Variants in SGO1 observed in about 807,000 individuals in gnomAD.
SGO1 encodes serologically defined breast cancer antigen NY-BR-85.
Under a neutral mutation model 50.5 loss-of-function variants are expected in SGO1, and 39 were observed. The observed-to-expected ratio is 0.77, with a 90% CI of 0.60 to 1.01. The LOEUF is 1.01. SGO1 is among the 50% of genes least tolerant of loss of function. SGO1 has a pLI of 0.00. For synonymous variants in SGO1, 191 were observed against 205.1 expected, an observed-to-expected ratio of 0.93 and a Z score of 0.59; for missense variants, 638 against 606.0, an observed-to-expected ratio of 1.05 and a Z score of -0.55.
In SGO1 at chr3:20,174,366, T is replaced by G. The variant is rs541350466; in HGVS notation, c.1165A>C (p.Ile389Leu). 8.7e-6 allele frequency: 14 copies of G among 1,614,204 alleles called. No individual in the cohort carries two copies. The African/African-American group carries it at 1.6e-4, about 18-fold the overall frequency. Residue 389 changes from isoleucine to leucine, a missense_variant, in exon 6 of 8, where the codon ATT (isoleucine) becomes CTT (leucine). Ile to Leu is a conservative substitution (Grantham distance 5). Transcript: ENST00000412997. ...TCTGAATTGCTCGTGGGATTCTGAA[T>G]GTACTTGCAAGTGGGCAAATAGAGG... ...DDLYLPTCKY[I>L]QNPTSNSDRP...
chr3:20,171,013 A>G, intron 7 of SGO1, 30 bp downstream of exon 7: 1 of 1,551,114 alleles, frequency 6.4e-7, no homozygotes, highest in South Asian at 1.2e-5. Context: ...TGTATCATTA[A>G]AAATAAGTTC....
At chr3:20,165,437 A>G (rs2125232721), downstream of SGO1, among the ~76,000 whole-genome samples, 1 of 152,362 alleles carries the variant, frequency 6.6e-6, no homozygotes, top group African/African-American at 2.4e-5. Context: ...AAAAAAATCA[A>G]TAAAAGCAAA....
intron 3 of SGO1, among the ~76,000 whole-genome samples, chr3:20,181,274 C>T (rs531327462): frequency 5.3e-5 from 8 of 152,278 alleles, no homozygotes; most frequent in South Asian, 4.1e-4. Flanking sequence ...ACTAATATAA[C>T]TTAAAAACAA....
At position 20,175,068 on chromosome 3, in the gene SGO1, A is replaced by C. The variant is rs775897972; in HGVS notation, c.476-13T>G. ...GTAGGTATCTGATCTGAGAATTTAA[A>C]AAATAAATGAGAAAAGTAGTTTTAC... On this transcript the variant is annotated splice_polypyrimidine_tract_variant and intron_variant, in intron 5 of 7. Coordinates refer to ENST00000412997, the MANE Select transcript of SGO1 (RefSeq NM_001199251.3). 5 of 1,395,910 alleles carry C rather than the reference A, an allele frequency of 3.6e-6. No individual in the cohort carries two copies. The highest frequency in any genetic ancestry group is 4.7e-6 in the Non-Finnish European group (5 of 1,067,654). The allele number at this position is 1,395,910 out of a possible 1,614,324, so 86.5% of individuals were successfully genotyped here. A position where few individuals can be genotyped will look rare whatever the true frequency, so the allele number is the denominator to read the frequency against.
chr3:20,163,006 T>G (rs902248235), intron 8 of SGO1, among the ~76,000 whole-genome samples: 1 of 152,014 alleles, frequency 6.6e-6, no homozygotes, highest in African/African-American at 2.4e-5. Context: ...AAAGGAAAAC[T>G]TACAGCATTA....
intron 3 of SGO1, among the ~76,000 whole-genome samples, chr3:20,181,870 A>C (rs753821387): frequency 6.6e-6 from 1 of 152,190 alleles, no homozygotes; most frequent in African/African-American, 2.4e-5. Flanking sequence ...GGGTCACTTG[A>C]GGCCAGGAGT....
intron 3 of SGO1, among the ~76,000 whole-genome samples, chr3:20,181,050 CT>C (rs1431401439): frequency 1.3e-5 from 2 of 152,082 alleles, no homozygotes; most frequent in African/African-American, 4.8e-5. Context: ...TTGCCTGAGC[CT>C]GGGAGGTGAA....
intron 8 of SGO1, chr3:20,161,358 A>T (rs907684962): frequency 3.3e-5 from 44 of 1,352,338 alleles, no homozygotes; most frequent in Non-Finnish European, 2.1e-5. Context: ...ATGTGAGCAA[A>T]CAATCAAAAG....
rs1052930 is a variant in SGO1 at position 20,170,697 on chromosome 3, A to G, written c.*7T>C. On this transcript the variant is annotated 3_prime_UTR_variant, in exon 8 of 8. Transcript: ENST00000412997. ...AGATTGAATTTAAACAATATCCAAC[A>G]AAACCTTCATTGTATTTGTTTCATA... 998,715 of 1,569,472 alleles carry G rather than the reference A, an allele frequency of 0.64. 325,163 individuals are homozygous for G. Among genetic ancestry groups the G allele is most frequent in the East Asian group, 0.97 (42,338 of 43,720 alleles).
intron 5 of SGO1, 118 bp downstream of exon 5, chr3:20,176,483 C>A (rs1294452719): frequency 7.9e-6 from 5 of 634,176 alleles, no homozygotes; most frequent in Non-Finnish European, 1.4e-5. Context: ...GAGCAGAATA[C>A]CAGATGAACA....
chr3:20,162,401 G>A (rs1215271520), intron 8 of SGO1, among the ~76,000 whole-genome samples: 2 of 152,144 alleles, frequency 1.3e-5, no homozygotes, highest in African/African-American at 2.4e-5. Flanking sequence ...CGAGCATAGA[G>A]TAAAAGCTCC....
downstream of SGO1, among the ~76,000 whole-genome samples, chr3:20,166,253 C>T (rs577250075): frequency 7.0e-4 from 106 of 152,170 alleles, no homozygotes; most frequent in African/African-American, 2.4e-3. Flanking sequence ...TGATAAGGGA[C>T]TAATATCTAA....
chr3:20,166,139 T>C (rs1222892159), downstream of SGO1, among the ~76,000 whole-genome samples: 1 of 151,876 alleles, frequency 6.6e-6, no homozygotes, highest in Non-Finnish European at 1.5e-5. Context: ...AATAGACAAA[T>C]TGGATTCAAT....
At chr3:20,184,113 A>T in intron 1 of SGO1, 79 bp from the exon 2 acceptor site, 2 of 1,107,674 alleles carry the variant, frequency 1.8e-6, no homozygotes, top group Non-Finnish European at 2.5e-6. Context: ...GTTCATAAAG[A>T]ATGCATTAAA....
At chr3:20,172,616 A>C (rs1021829084) in intron 6 of SGO1, among the ~76,000 whole-genome samples, 2 of 151,638 alleles carry the variant, frequency 1.3e-5, no homozygotes, top group Non-Finnish European at 2.9e-5. Flanking sequence ...ATACCATTTT[A>C]GAGTATATTT....
Position 20,174,678 on chromosome 3 carries a change from T to C in SGO1, c.853A>G (p.Arg285Gly), listed in dbSNP as rs774153033. Residue 285 changes from arginine to glycine, a missense_variant, in exon 6 of 8, where the codon AGA becomes GGA. Transcript: ENST00000412997. ...SKSEQTKSKQ[R>G]DTQERKREEK... ...TCTCTTTTTCTTTCTTGTGTATCTC[T>C]TTGCTTACTTTTAGTTTGTTCAGAT... 2.5e-6 allele frequency: 4 copies of C among 1,611,442 alleles called. No individual in the cohort carries two copies. In the South Asian group the frequency reaches 3.3e-5, roughly 13 times the overall value.
At chr3:20,184,767 T>C (rs1412854448) in intron 1 of SGO1, among the ~76,000 whole-genome samples, 2 of 152,186 alleles carry the variant, frequency 1.3e-5, no homozygotes, top group Non-Finnish European at 2.9e-5. Flanking sequence ...ACATTAAATA[T>C]TGTTGTACAT....
chr3:20,161,818 C>T (rs1700055071), intron 8 of SGO1, among the ~76,000 whole-genome samples: 1 of 152,106 alleles, frequency 6.6e-6, no homozygotes, highest in African/African-American at 2.4e-5. Context: ...TATTGACTTC[C>T]ACTTCTGCCT....
intron 4 of SGO1, among the ~76,000 whole-genome samples, chr3:20,176,968 A>C (rs541199759): frequency 1.3e-5 from 2 of 152,328 alleles, no homozygotes; most frequent in African/African-American, 2.4e-5. Context: ...AATTTGTTAA[A>C]TGTTTTTTAA....
Sources: gnomAD v4.1 joint callset for allele counts (sites outside exome capture counted in the v4.1 genomes callset) on GRCh38, gnomAD v4.1.1 for gene constraint, MANE v1.5 for transcripts, NCBI Gene and HGNC (gene_info 2026-07-23, HGNC 2026-07-21) for gene names.